SRRM2: variants seen among roughly 807,000 people sequenced by gnomAD.
The protein encoded by SRRM2 is serine/arginine repetitive matrix protein 2.
A neutral mutation model predicts 213.8 loss-of-function variants in SRRM2; 30 were observed. That is an observed-to-expected ratio of 0.14 (90% CI 0.10 to 0.19). The LOEUF (loss-of-function observed/expected upper bound fraction) is 0.19, where lower values mean the gene tolerates loss of function less well. Ranked by LOEUF, SRRM2 falls within the 10% of genes least tolerant of loss-of-function variation. SRRM2 has a pLI of 1.00. For synonymous variants in SRRM2, 2,025 were observed against 1,377.7 expected (o/e 1.47, Z -10.40); for missense variants, 4,904 against 3,647.0 (o/e 1.34, Z -8.88).
intron 9 of SRRM2, chr16:2,760,055 T>G (rs963181159): frequency 1.8e-6 from 1 of 569,802 alleles, no homozygotes; most frequent in South Asian, 2.0e-5. Context: ...GTGGATGGTT[T>G]GGGGATGTTT....
At position 2,760,180 on chromosome 16, in the gene SRRM2, A is replaced by C. The variant is rs533010333; in HGVS notation, c.834-121A>C. The C allele has an allele frequency of 1.0e-3, 973 of 976,116 alleles. 1 individual carries two copies. The highest frequency in any genetic ancestry group is 1.4e-3 in the Non-Finnish European group (923 of 654,068). The allele number at this position is 976,116 out of a possible 1,614,324, so 60.5% of individuals were successfully genotyped here. ...GTGAATGATTTGAGTTGTGCGACTAAAGGCTTTTTGGAAGAGGGTTGTCCA... is the reference window on the plus strand; with the variant it reads ...GTGAATGATTTGAGTTGTGCGACTACAGGCTTTTTGGAAGAGGGTTGTCCA... On this transcript the variant is annotated intron_variant, in intron 9 of 14. Coordinates refer to ENST00000301740, the MANE Select transcript of SRRM2 (RefSeq NM_016333.4).
Position 2,759,027 on chromosome 16 carries a change from C to T in SRRM2, c.636C>T (p.Ser212=), listed in dbSNP as rs748730688. 4 of 1,614,166 alleles carry T rather than the reference C, an allele frequency of 2.5e-6. No individual in the cohort carries two copies. The East Asian group carries it at 8.9e-5, about 36-fold the overall frequency. The change falls in exon 6 of 15, where the codon AGC becomes AGT. Residue 212 remains serine, a synonymous_variant. Coordinates refer to ENST00000301740, the MANE Select transcript of SRRM2 (RefSeq NM_016333.4). ...CTCCTCGACGGGAGAGAAAGAAAAGCTCAAAGAAGAAGAAGCACAGGTATG... is the reference window on the plus strand; with the variant it reads ...CTCCTCGACGGGAGAGAAAGAAAAGTTCAAAGAAGAAGAAGCACAGGTATG... The part of the protein sequence containing the change: ...SSSPRRERKK[S]SKKKKHRSES...
intron 4 of SRRM2, 149 bp downstream of exon 4, chr16:2,758,094 GT>G: frequency 1.1e-6 from 1 of 896,932 alleles, no homozygotes; most frequent in Non-Finnish European, 1.7e-6. Flanking sequence ...GTGTCCAAGG[GT>G]TAGTCACAGT....
At chr16:2,755,647 C>T (rs182222956) in intron 1 of SRRM2, among the ~76,000 whole-genome samples, 33 of 152,192 alleles carry the variant, frequency 2.2e-4, no homozygotes, top group Non-Finnish European at 4.1e-4. Flanking sequence ...ATGGCCCTTA[C>T]CTGGGAGGTG....
chr16:2,755,960 T>G (rs1228996683), intron 1 of SRRM2, among the ~76,000 whole-genome samples: 1 of 152,194 alleles, frequency 6.6e-6, no homozygotes, highest in Non-Finnish European at 1.5e-5. Flanking sequence ...AACACACCAC[T>G]TGTGCATTTT....
In SRRM2 at chr16:2,763,689, C is replaced by T. The variant is rs1264012013; in HGVS notation, c.3161C>T (p.Ser1054Phe). The T allele has an allele frequency of 2.5e-6, 4 of 1,614,220 alleles. No homozygotes were observed. Among genetic ancestry groups the T allele is most frequent in the African/African-American group, 1.3e-5 (1 of 75,058 alleles). ...GGCGAGAGCTATTTTGGTGTCTCATCTCTGCAACTGAAAGGACAATCTCAA... is the reference window on the plus strand; with the variant it reads ...GGCGAGAGCTATTTTGGTGTCTCATTTCTGCAACTGAAAGGACAATCTCAA... ...PPGESYFGVSSLQLKGQSQTS... is the reference protein window; with the variant it reads ...PPGESYFGVSFLQLKGQSQTS... The change falls in exon 11 of 15, where the codon TCT becomes TTT. Residue 1054 changes from serine (S) to phenylalanine (F), a missense_variant. By Grantham distance (155) the Ser-to-Phe change is radical. Coordinates refer to ENST00000301740, the MANE Select transcript of SRRM2 (RefSeq NM_016333.4).
rs765544927 is a variant in SRRM2, at chr16:2,765,777, C to A, written c.5249C>A (p.Ser1750Tyr). Residue 1750 changes from serine to tyrosine, a missense_variant, in exon 11 of 15, where the codon TCT becomes TAT. Physicochemically the swap from Ser to Tyr is moderately radical, Grantham distance 144. Coordinates refer to ENST00000301740, the MANE Select transcript of SRRM2 (RefSeq NM_016333.4). ...RSSRRRRSAS[S>Y]PRTKTTSRRG... ...TCACGCCGACGGCGCTCAGCTTCATCTCCACGCACTAAGACAACCTCAAGG... is the reference window on the plus strand; with the variant it reads ...TCACGCCGACGGCGCTCAGCTTCATATCCACGCACTAAGACAACCTCAAGG... 6.2e-7 allele frequency: 1 copy of A among 1,614,138 alleles called. No individual in the cohort carries two copies.
In SRRM2 at chr16:2,766,749, C is replaced by CCAT. The variant is rs756416444; in HGVS notation, c.6223_6225dup (p.Ile2075dup). 6.2e-7 allele frequency: 1 copy of CCAT among 1,614,202 alleles called. No homozygotes were observed. Among genetic ancestry groups the CCAT allele is most frequent in the Non-Finnish European group, 8.5e-7 (1 of 1,180,038 alleles). ...CGGTCCTTAACAAGATCTCCTCCAG[C>CCAT]CATCCGCAGGCGTTCTGCATCTGGA... On this transcript the variant is annotated inframe_insertion, in exon 11 of 15. Coordinates refer to ENST00000301740, the MANE Select transcript of SRRM2 (RefSeq NM_016333.4). This position sits in a 1 kb window ranked among gnomAD's most constrained non-coding sequence, Gnocchi z 7.0.
Position 2,764,487 on chromosome 16 carries a change from C to T in SRRM2, c.3959C>T (p.Ser1320Phe). Residue 1320 changes from serine (S) to phenylalanine (F), a missense_variant, in exon 11 of 15, where the codon TCC becomes TTC. By Grantham distance (155) the Ser-to-Phe change is radical. Transcript: ENST00000301740. ...FSPEHKELSNSPLRENSFGSP... is the reference protein window; with the variant it reads ...FSPEHKELSNFPLRENSFGSP... ...CCAGAACATAAAGAACTGTCTAACT[C>T]CCCACTCAGGGAGAACAGCTTTGGA... The T allele has an allele frequency of 1.9e-6, 3 of 1,614,120 alleles. 1 individual carries two copies. The highest frequency in any genetic ancestry group is 3.3e-4 in the Middle Eastern group (2 of 6,060).
chr16:2,760,638 C>T (rs2068310242), intron 10 of SRRM2, 139 bp downstream of exon 10: 1 of 899,286 alleles, frequency 1.1e-6, no homozygotes, highest in South Asian at 1.8e-5. Context: ...TCCTAGTTCT[C>T]TTACTGCATC....
rs765100681 is a variant in SRRM2 at position 2,767,966 on chromosome 16, G to C, written c.7438G>C (p.Val2480Leu). ...GTCTCAGTCCCTTTCCTCTGGGGCA[G>C]TGGCAACGACCACGTCCTCTGCTGG... ...AGSQSLSSGA[V>L]ATTTSSAGDH... The change falls in exon 11 of 15, where the codon GTG becomes CTG. Residue 2480 changes from valine (V) to leucine (L), a missense_variant. Coordinates refer to ENST00000301740, the MANE Select transcript of SRRM2 (RefSeq NM_016333.4). 6.2e-7 allele frequency: 1 copy of C among 1,614,200 alleles called. No homozygotes were observed. The highest frequency in any genetic ancestry group is 2.2e-5 in the East Asian group (1 of 44,894).
Position 2,768,248 on chromosome 16 carries a change from G to T in SRRM2, c.7720G>T (p.Val2574Leu). The part of the protein sequence containing the change: ...EGSSLPVQPE[V>L]ALKRVPSPTP... ...CTCTAGCCTTCCTGTGCAACCTGAG[G>T]TGGCACTGAAGAGGTGAGGGAGCTT... Residue 2574 changes from valine to leucine, a missense_variant, in exon 11 of 15, where the codon GTG (valine) becomes TTG (leucine). Val to Leu is a conservative substitution (Grantham distance 32). Transcript: ENST00000301740. The T allele has an allele frequency of 3.2e-6, 5 of 1,557,718 alleles. No homozygotes were observed. The highest frequency in any genetic ancestry group is 4.3e-6 in the Non-Finnish European group (5 of 1,153,030).
rs756456422 is a variant in SRRM2 at position 2,771,303 on chromosome 16, T to G, written c.*436T>G. ...TGGTCCCTACTGTCCCCCATGAGGT[T>G]GTGAACCCCTCCCCCCAACTTTTCA... On this transcript the variant is annotated 3_prime_UTR_variant, in exon 15 of 15. Transcript: ENST00000301740. 3.7e-6 allele frequency: 4 copies of G among 1,090,120 alleles called. No homozygotes were observed. Among genetic ancestry groups the G allele is most frequent in the Admixed American group, 3.6e-5 (2 of 55,600 alleles). The allele number at this position is 1,090,120 out of a possible 1,614,324, so 67.5% of individuals were successfully genotyped here. A position where few individuals can be genotyped will look rare whatever the true frequency, so the allele number is the denominator to read the frequency against.
intron 10 of SRRM2, 127 bp downstream of exon 10, chr16:2,760,626 T>C: frequency 1.0e-6 from 1 of 1,001,776 alleles, no homozygotes; most frequent in Non-Finnish European, 1.5e-6. Context: ...CCTGCATTTC[T>C]CTCCTAGTTC....
chr16:2,769,292 C>G lies in SRRM2; in HGVS notation c.8021+8C>G. 1 of 1,544,062 alleles carries G rather than the reference C, an allele frequency of 6.5e-7. No individual in the cohort carries two copies. The highest frequency in any genetic ancestry group is 8.7e-7 in the Non-Finnish European group (1 of 1,145,796). On this transcript the variant is annotated splice_region_variant and intron_variant, in intron 12 of 14. Coordinates refer to ENST00000301740, the MANE Select transcript of SRRM2 (RefSeq NM_016333.4). Reference sequence around the variant, plus strand: ...ACCCCCTGGCGAGCGGAGGTGAGTGCTGTCTTGCCTGAGTTGAAAGGTGGG... The same window carrying G: ...ACCCCCTGGCGAGCGGAGGTGAGTGGTGTCTTGCCTGAGTTGAAAGGTGGG...
In SRRM2 at chr16:2,763,969, A is replaced by G; in HGVS notation, c.3441A>G (p.Thr1147=). ...AGTCTGACTCTTCTTCATATCCTAC[A>G]GTGGACTCGAATTCTCTCTTGGGGC... ...RFQSDSSSYP[T]VDSNSLLGQS... is the part of the protein sequence containing the mutation. The change falls in exon 11 of 15, where the codon ACA becomes ACG. Residue 1147 remains threonine, a synonymous_variant. Transcript: ENST00000301740. The G allele has an allele frequency of 1.2e-6, 2 of 1,614,208 alleles. No homozygotes were observed. Among genetic ancestry groups the G allele is most frequent in the Non-Finnish European group, 1.7e-6 (2 of 1,180,042 alleles).
At position 2,767,994 on chromosome 16, in the gene SRRM2, A is replaced by G. The variant is rs2068602147; in HGVS notation, c.7466A>G (p.Asp2489Gly). 4 of 1,614,010 alleles carry G rather than the reference A, an allele frequency of 2.5e-6. No individual in the cohort carries two copies. The South Asian group carries it at 4.4e-5, about 18-fold the overall frequency. Residue 2489 changes from aspartate (D) to glycine (G), a missense_variant, in exon 11 of 15, where the codon GAT (aspartate) becomes GGT (glycine). Coordinates refer to ENST00000301740, the MANE Select transcript of SRRM2 (RefSeq NM_016333.4). ...GCAACGACCACGTCCTCTGCTGGTG[A>G]TCACAATGGCATGCTCTCTGTCCCT... ...AVATTTSSAG[D>G]HNGMLSVPAP...
In SRRM2 at chr16:2,764,713, G is replaced by C. The variant is rs1249500569; in HGVS notation, c.4185G>C (p.Gly1395=). The C allele has an allele frequency of 6.2e-7, 1 of 1,614,092 alleles. No individual in the cohort carries two copies. Among genetic ancestry groups the C allele is most frequent in the Admixed American group, 1.7e-5 (1 of 60,032 alleles). Reference sequence around the variant, plus strand: ...CCCCAGATGCAGTGGAAAAGGCAGGGATGTCTTCAAATCAGAGCATCTCTT... The same window carrying C: ...CCCCAGATGCAGTGGAAAAGGCAGGCATGTCTTCAAATCAGAGCATCTCTT... ...ELSPDAVEKA[G]MSSNQSISSP... The change falls in exon 11 of 15, where the codon GGG becomes GGC. Residue 1395 remains glycine, a synonymous_variant. Coordinates refer to ENST00000301740, the MANE Select transcript of SRRM2 (RefSeq NM_016333.4).
rs2068393503 is a variant in SRRM2 at position 2,762,554 on chromosome 16, A to G, written c.2026A>G (p.Arg676Gly). The G allele has an allele frequency of 4.3e-6, 7 of 1,613,874 alleles. No individual in the cohort carries two copies. The highest frequency in any genetic ancestry group is 1.7e-5 in the Admixed American group (1 of 59,990). The change falls in exon 11 of 15, where the codon AGA becomes GGA. Residue 676 changes from arginine to glycine, a missense_variant. Arg to Gly is a moderately radical substitution (Grantham distance 125, BLOSUM62 -2). Transcript: ENST00000301740. ...CCGCTCACGCTCTAGAACCCCAGCT[A>G]GACGCAGTGGTCGCTCACGCTCCAG... ...RGRSRSRTPARRSGRSRSRTP... is the reference protein window; with the variant it reads ...RGRSRSRTPAGRSGRSRSRTP...
Sources: gnomAD v4.1 joint callset for allele counts (sites outside exome capture counted in the v4.1 genomes callset) on GRCh38, gnomAD v4.1.1 for gene constraint, Gnocchi (gnomAD v3.1) non-coding constraint, MANE v1.5 for transcripts, NCBI Gene and HGNC (gene_info 2026-07-23, HGNC 2026-07-21) for gene names.